The following TENM3 variants were observed in gnomAD, a reference collection of about 807,000 sequenced individuals.
TENM3 encodes the protein teneurin-3.
In TENM3, 63 loss-of-function variants were observed where a neutral mutation model predicts 255.1. That is an observed-to-expected ratio of 0.25 (90% CI 0.20 to 0.30). The LOEUF (loss-of-function observed/expected upper bound fraction) is 0.30, where lower values mean the gene tolerates loss of function less well. Among genes scored for constraint, TENM3 ranks in the 10% least tolerant of loss-of-function variants. The probability of loss-of-function intolerance (pLI) is 1.00; values close to 1 mark genes in which losing one functional copy is unlikely to be tolerated. For missense variants in TENM3, 2,929 were observed against 3,461.1 expected, an observed-to-expected ratio of 0.85 and a Z score of 3.86; for synonymous variants, 1,306 against 1,322.3, an observed-to-expected ratio of 0.99 and a Z score of 0.27.
chr4:182,661,503 T>C (rs1754228575), intron 6 of TENM3, among the ~76,000 whole-genome samples: 1 of 152,212 alleles, frequency 6.6e-6, no homozygotes, highest in South Asian at 2.1e-4. Flanking sequence ...ATAGTACTTG[T>C]GTTATTACAA....
chr4:182,023,776 G>C, the TENM3 span, among the ~76,000 whole-genome samples: 1 of 152,164 alleles, frequency 6.6e-6, no homozygotes, highest in South Asian at 2.1e-4. Context: ...GATCAATTTT[G>C]CTCATATAAT....
chr4:181,874,851 A>G, the TENM3 span, among the ~76,000 whole-genome samples: 1 of 152,200 alleles, frequency 6.6e-6, no homozygotes, highest in South Asian at 2.1e-4. Context: ...TGCAATCTGG[A>G]AACTGCCACA....
rs529748049 is a variant in TENM3, at chr4:182,730,314, C to G, written c.2700C>G (p.Asp900Glu). ...PEYGYTITRQ[D>E]GMFDLVANGG... ...ATGGATATACTATTACCCGCCAGGA[C>G]GGAATGTGAGTTAGTCCCATCACAC... Residue 900 changes from aspartate to glutamate, a missense_variant, in exon 15 of 28, where the codon GAC becomes GAG. By Grantham distance (45) the Asp-to-Glu change is conservative. Around this residue, in one of 6 missense-constraint regions of TENM3, gnomAD observed 1,608 missense variants for 1,884.4 expected, o/e 0.85. Transcript: ENST00000511685. 1 of 1,613,226 alleles carries G rather than the reference C, an allele frequency of 6.2e-7. No homozygotes were observed. Among genetic ancestry groups the G allele is most frequent in the African/African-American group, 1.3e-5 (1 of 74,868 alleles).
chr4:182,100,430 CG>C, the TENM3 span, among the ~76,000 whole-genome samples: 5 of 101,480 alleles, frequency 4.9e-5, no homozygotes, highest in East Asian at 1.7e-3. Flanking sequence ...GGCAAAACTC[CG>C]TCTCCGTAAA....
intron 3 of TENM3, among the ~76,000 whole-genome samples, chr4:182,457,028 C>G (rs200433375): frequency 6.6e-6 from 1 of 151,760 alleles, no homozygotes; most frequent in Non-Finnish European, 1.5e-5. Context: ...ACTAAAAATA[C>G]GAACAAATTA....
chr4:182,378,429 T>C (rs1024073236), intron 3 of TENM3, among the ~76,000 whole-genome samples: 1 of 152,152 alleles, frequency 6.6e-6, no homozygotes, highest in Non-Finnish European at 1.5e-5. Flanking sequence ...GTATTCAGAA[T>C]GTAGGAGAGG....
intron 1 of TENM3, among the ~76,000 whole-genome samples, chr4:182,281,745 T>G (rs1371551768): frequency 6.6e-6 from 1 of 152,154 alleles, no homozygotes; most frequent in Non-Finnish European, 1.5e-5. Flanking sequence ...TTTATTTATT[T>G]TATTTATTTT....
intron 3 of TENM3, among the ~76,000 whole-genome samples, chr4:182,579,789 C>G (rs1336321650): frequency 6.6e-6 from 1 of 152,038 alleles, no homozygotes; most frequent in Admixed American, 6.5e-5. Context: ...TATTTTAAAG[C>G]AAAGTTGTTA....
Position 182,373,220 on chromosome 4 carries a change from A to T in TENM3, c.511+26291A>T, listed in dbSNP as rs553250527. On this transcript the variant is annotated intron_variant, in intron 3 of 27. Coordinates refer to ENST00000511685, the MANE Select transcript of TENM3 (RefSeq NM_001080477.4). The stretch of plus-strand genomic sequence containing the variant: ...CCTTTGCAAAATTAAGACAGAAAAG[A>T]CTCTGCTGGTTATGGAGAGTGCATG... 2.2e-3 allele frequency among the ~76,000 whole-genome samples: 342 copies of T among 152,186 alleles called. 1 individual carries two copies. Among genetic ancestry groups the T allele is most frequent in the Non-Finnish European group, 3.6e-3 (246 of 68,020 alleles).
intron 6 of TENM3, among the ~76,000 whole-genome samples, chr4:182,658,402 T>C (rs968514832): frequency 2.6e-5 from 4 of 152,186 alleles, no homozygotes; most frequent in African/African-American, 9.7e-5. Context: ...CTTTCATGGC[T>C]CCAGTTACAT....
At chr4:181,527,625 G>GTTT in the TENM3 span, among the ~76,000 whole-genome samples, 1 of 128,442 alleles carries the variant, frequency 7.8e-6, no homozygotes, top group Admixed American at 7.8e-5. Flanking sequence ...GCCAGGTTTT[G>GTTT]TTTTTTTTTT....
At chr4:182,067,687 G>A in the TENM3 span, among the ~76,000 whole-genome samples, 2 of 152,118 alleles carry the variant, frequency 1.3e-5, no homozygotes, top group Admixed American at 6.5e-5. Context: ...CTCTCTTGCT[G>A]GAATATTGGT....
At chr4:181,942,934 T>C in the TENM3 span, among the ~76,000 whole-genome samples, 3 of 152,328 alleles carry the variant, frequency 2.0e-5, no homozygotes, top group South Asian at 6.2e-4. Context: ...TTCATACCTT[T>C]GATAATAGGT....
At chr4:181,918,369 G>C in the TENM3 span, among the ~76,000 whole-genome samples, 1 of 152,056 alleles carries the variant, frequency 6.6e-6, no homozygotes, top group African/African-American at 2.4e-5. Flanking sequence ...AAAGCAGAAG[G>C]TAAATATATT....
intron 3 of TENM3, among the ~76,000 whole-genome samples, chr4:182,510,749 T>A (rs961580696): frequency 6.6e-6 from 1 of 152,222 alleles, no homozygotes; most frequent in Non-Finnish European, 1.5e-5. Context: ...AAGCTTCTTT[T>A]TTGCAACATT....
At chr4:182,518,764 G>A (rs1013156737) in intron 3 of TENM3, among the ~76,000 whole-genome samples, 6 of 152,156 alleles carry the variant, frequency 3.9e-5, no homozygotes, top group Non-Finnish European at 8.8e-5. Context: ...CCTGCAAACT[G>A]TAAGATCATA....
the TENM3 span, among the ~76,000 whole-genome samples, chr4:181,861,868 T>C: frequency 8.6e-4 from 131 of 152,300 alleles, no homozygotes; most frequent in Admixed American, 7.7e-3. Flanking sequence ...TCTGTTAACA[T>C]ACAATTAGTA....
At chr4:182,327,425 G>A (rs2309682) in intron 2 of TENM3, among the ~76,000 whole-genome samples, 70,436 of 151,940 alleles carry the variant, frequency 0.46, 16,832 homozygotes, top group Non-Finnish European at 0.52. Context: ...CAGGGTTTCC[G>A]TTGGTGCGAT....
the TENM3 span, among the ~76,000 whole-genome samples, chr4:182,094,386 T>C: frequency 6.6e-6 from 1 of 151,898 alleles, no homozygotes; most frequent in Non-Finnish European, 1.5e-5. Context: ...GCTGGGATTA[T>C]AAGCACACGC....
Sources: gnomAD v4.1 joint callset for allele counts (sites outside exome capture counted in the v4.1 genomes callset) on GRCh38, gnomAD v4.1.1 for gene constraint, gnomAD v4.1.1 regional missense constraint, MANE v1.5 for transcripts, NCBI Gene and HGNC (gene_info 2026-07-23, HGNC 2026-07-21) for gene names.